GALNT13: variants seen among roughly 807,000 people sequenced by gnomAD.
GALNT13 encodes UDP-GalNAc:polypeptide N-acetylgalactosaminyltransferase 13.
GALNT13 carries 28 observed loss-of-function variants against 64.2 expected under a neutral mutation model. The observed-to-expected ratio is 0.44, with a 90% CI of 0.32 to 0.60. GALNT13 has a LOEUF of 0.60. Among genes scored for constraint, GALNT13 ranks in the 20% least tolerant of loss-of-function variants. The pLI is 0.05. For missense variants in GALNT13, 577 were observed against 669.8 expected (o/e 0.86, Z 1.53); for synonymous variants, 214 against 224.6 (o/e 0.95, Z 0.42).
In GALNT13 at chr2:154,032,004, A is replaced by T. The variant is rs1336862965; in HGVS notation, c.142+87365A>T. On this transcript the variant is annotated intron_variant, in intron 3 of 12. Coordinates refer to ENST00000392825, the MANE Select transcript of GALNT13 (RefSeq NM_052917.4). ...GGAAAACTTTATAGATTTGATGCTTATATAATATCAGAACAGAAAAAAACT... is the reference window on the plus strand; with the variant it reads ...GGAAAACTTTATAGATTTGATGCTTTTATAATATCAGAACAGAAAAAAACT... 2.0e-5 allele frequency among the ~76,000 whole-genome samples: 3 copies of T among 152,072 alleles called. No individual in the cohort carries two copies. The South Asian group carries it at 6.2e-4, about 32-fold the overall frequency.
intron 8 of GALNT13, chr2:154,286,734 T>C (rs553209761): frequency 9.4e-6 from 3 of 318,208 alleles, no homozygotes; most frequent in South Asian, 2.9e-5. Flanking sequence ...TACAGGACAT[T>C]GTGGTACAGG....
chr2:154,167,512 C>CT (rs1464932371), intron 4 of GALNT13, among the ~76,000 whole-genome samples: 10 of 152,186 alleles, frequency 6.6e-5, no homozygotes, highest in African/African-American at 2.4e-4. Flanking sequence ...AGTGATCACT[C>CT]TAACAGCAAA....
intron 1 of GALNT13, among the ~76,000 whole-genome samples, chr2:153,890,957 A>T (rs562346159): frequency 6.6e-6 from 1 of 152,126 alleles, no homozygotes; most frequent in African/African-American, 2.4e-5. Context: ...TGTTCCACTT[A>T]TTTATTGATG....
At chr2:154,118,104 A>G (rs1681706720) in intron 3 of GALNT13, among the ~76,000 whole-genome samples, 1 of 152,162 alleles carries the variant, frequency 6.6e-6, no homozygotes, top group African/African-American at 2.4e-5. Flanking sequence ...TATTGAAAGT[A>G]GGGCATTGAA....
At chr2:154,385,457 G>A (rs1469995032) in intron 9 of GALNT13, among the ~76,000 whole-genome samples, 1 of 151,880 alleles carries the variant, frequency 6.6e-6, no homozygotes, top group Admixed American at 6.6e-5. Flanking sequence ...ACCCATTCTA[G>A]TAGAGTGAAC....
chr2:153,874,146 G>T (rs1273576599), intron 1 of GALNT13, among the ~76,000 whole-genome samples: 1 of 117,410 alleles, frequency 8.5e-6, no homozygotes. Flanking sequence ...TGCAGAATAA[G>T]AACCTTCATA....
chr2:154,010,049 T>C (rs1012639460), intron 3 of GALNT13, among the ~76,000 whole-genome samples: 1 of 152,168 alleles, frequency 6.6e-6, no homozygotes, highest in African/African-American at 2.4e-5. Context: ...TAATCAAATT[T>C]AGGAGCTATT....
At chr2:154,440,203 G>T (rs935955593) in intron 12 of GALNT13, among the ~76,000 whole-genome samples, 2 of 152,028 alleles carry the variant, frequency 1.3e-5, no homozygotes, top group Admixed American at 6.6e-5. Context: ...CTAAAAATAA[G>T]AAAATCTAGA....
At chr2:153,736,234 T>C in the GALNT13 span, among the ~76,000 whole-genome samples, 446 of 152,332 alleles carry the variant, frequency 2.9e-3, 4 homozygotes, top group African/African-American at 0.01. Flanking sequence ...CCTGCACTCA[T>C]GGATTCTCAC....
intron 3 of GALNT13, among the ~76,000 whole-genome samples, chr2:154,033,994 G>T (rs1262737464): frequency 6.6e-6 from 1 of 151,996 alleles, no homozygotes; most frequent in Non-Finnish European, 1.5e-5. Flanking sequence ...GGAGAACCTG[G>T]AGTGACTGGA....
intron 4 of GALNT13, among the ~76,000 whole-genome samples, chr2:154,146,134 G>GTA (rs1414036739): frequency 3.6e-5 from 5 of 140,690 alleles, no homozygotes; most frequent in South Asian, 2.2e-4. Flanking sequence ...ATGTGTGTGT[G>GTA]TGTATATATA....
At chr2:153,544,352 C>T in the GALNT13 span, among the ~76,000 whole-genome samples, 1 of 152,184 alleles carries the variant, frequency 6.6e-6, no homozygotes, top group African/African-American at 2.4e-5. Context: ...CTTGATCTCT[C>T]CTTGCTAACA....
the GALNT13 span, among the ~76,000 whole-genome samples, chr2:153,378,599 G>C: frequency 6.6e-6 from 1 of 152,082 alleles, no homozygotes; most frequent in East Asian, 1.9e-4. Flanking sequence ...ATGCAAATTG[G>C]ATAACAGTGT....
chr2:153,277,283 C>G, the GALNT13 span, among the ~76,000 whole-genome samples: 1 of 152,272 alleles, frequency 6.6e-6, no homozygotes, highest in East Asian at 1.9e-4. Flanking sequence ...CCAGTTTCCA[C>G]TTATAAATGA....
chr2:154,054,586 A>C (rs552752727), intron 3 of GALNT13, among the ~76,000 whole-genome samples: 13 of 152,178 alleles, frequency 8.5e-5, no homozygotes, highest in African/African-American at 3.1e-4. Context: ...TTGTGTGTGC[A>C]AGTATATGCA....
chr2:153,618,936 T>C, the GALNT13 span, among the ~76,000 whole-genome samples: 2 of 152,010 alleles, frequency 1.3e-5, no homozygotes, highest in East Asian at 1.9e-4. Flanking sequence ...GTGTTTCTTG[T>C]AGGCAACAGA....
intron 9 of GALNT13, among the ~76,000 whole-genome samples, chr2:154,341,667 T>G (rs955654296): frequency 2.0e-5 from 3 of 151,998 alleles, no homozygotes; most frequent in Non-Finnish European, 4.4e-5. Flanking sequence ...TAGGGCTTTG[T>G]AGGACACAGC....
At chr2:153,761,447 C>T in the GALNT13 span, 627 of 152,540 alleles carry the variant, frequency 4.1e-3, 7 homozygotes, top group African/African-American at 0.014. Flanking sequence ...CTCACTGGTC[C>T]GTTTATGAAG....
intron 1 of GALNT13, among the ~76,000 whole-genome samples, chr2:153,890,712 C>T (rs373795635): frequency 1.1e-4 from 17 of 152,002 alleles, no homozygotes; most frequent in Admixed American, 1.1e-3. Flanking sequence ...GCTTGTATCC[C>T]CAGACTCATG....
Sources: gnomAD v4.1 joint callset for allele counts (sites outside exome capture counted in the v4.1 genomes callset) on GRCh38, gnomAD v4.1.1 for gene constraint, MANE v1.5 for transcripts, NCBI Gene and HGNC (gene_info 2026-07-23, HGNC 2026-07-21) for gene names.